The following CNTNAP3 variants were observed in gnomAD, a reference collection of about 807,000 sequenced individuals.
CNTNAP3 encodes the protein contactin associated protein family member 3, also known as contactin-associated protein-like 3.
Under a neutral mutation model 92.1 loss-of-function variants are expected in CNTNAP3, and 36 were observed. That is an observed-to-expected ratio of 0.39 (90% CI 0.30 to 0.52). The LOEUF (loss-of-function observed/expected upper bound fraction) is 0.52, where lower values mean the gene tolerates loss of function less well. Ranked by LOEUF, CNTNAP3 falls within the 20% of genes least tolerant of loss-of-function variation. CNTNAP3 has a pLI of 0.76. For missense variants in CNTNAP3, 534 were observed against 1,069.6 expected, an observed-to-expected ratio of 0.50 and a Z score of 6.98; for synonymous variants, 232 against 422.3, an observed-to-expected ratio of 0.55 and a Z score of 5.53.
At chr9:39,079,742 G>A (rs1391283296) in intron 21 of CNTNAP3, among the ~76,000 whole-genome samples, 1 of 120,156 alleles carries the variant, frequency 8.3e-6, no homozygotes, top group Non-Finnish European at 1.6e-5. Context: ...CCTTTTGTGA[G>A]TTTGAGAGCT....
intron 14 of CNTNAP3, among the ~76,000 whole-genome samples, chr9:39,113,341 A>G (rs528898108): frequency 5.5e-4 from 84 of 152,328 alleles, no homozygotes; most frequent in African/African-American, 1.9e-3. Context: ...TTTTTTCCAT[A>G]AAAGTACTGC....
At chr9:39,146,829 T>G (rs1198329400) in intron 10 of CNTNAP3, among the ~76,000 whole-genome samples, 2 of 152,214 alleles carry the variant, frequency 1.3e-5, no homozygotes, top group Non-Finnish European at 2.9e-5. Flanking sequence ...ATACCCCTTA[T>G]CTGTCCCTAA....
rs1371129290 is a variant in CNTNAP3 at position 39,099,952 on chromosome 9, T to A, written c.2954A>T (p.Asp985Val). 1.2e-6 allele frequency: 2 copies of A among 1,610,456 alleles called. No individual in the cohort carries two copies. Among genetic ancestry groups the A allele is most frequent in the Non-Finnish European group, 1.7e-6 (2 of 1,179,074 alleles). The stretch of plus-strand genomic sequence containing the variant: ...CCCATCATAGGCTGAGAAGGCACAG[T>A]CACAGGTGACCCCCCTGCGTTTCTC... ...CREKRRGVTC[D>V]CAFSAYDGPF... The change falls in exon 18 of 24, where the codon GAC becomes GTC. Residue 985 changes from aspartate to valine, a missense_variant. Asp to Val is a radical substitution (Grantham distance 152). Transcript: ENST00000297668.
intron 14 of CNTNAP3, among the ~76,000 whole-genome samples, chr9:39,111,283 C>T (rs563587492): frequency 1.3e-3 from 196 of 152,160 alleles, no homozygotes; most frequent in African/African-American, 4.4e-3. Flanking sequence ...TTACTTAACT[C>T]GACTTTTGTA....
At chr9:39,119,064 T>C (rs2117967953) in intron 13 of CNTNAP3, among the ~76,000 whole-genome samples, 1 of 152,086 alleles carries the variant, frequency 6.6e-6, no homozygotes, top group Non-Finnish European at 1.5e-5. Flanking sequence ...AAAAAGCAGG[T>C]GTCAGGCCAC....
intron 16 of CNTNAP3, among the ~76,000 whole-genome samples, chr9:39,103,108 C>T (rs1268708947): frequency 1.3e-5 from 2 of 152,190 alleles, no homozygotes; most frequent in African/African-American, 4.8e-5. Flanking sequence ...TTTTGACAGT[C>T]ATAAATTAAG....
chr9:39,090,751 T>C (rs1826176642), intron 18 of CNTNAP3, among the ~76,000 whole-genome samples: 1 of 152,074 alleles, frequency 6.6e-6, no homozygotes, highest in Non-Finnish European at 1.5e-5. Context: ...GGGATATTGA[T>C]TGAAACTGTA....
intron 13 of CNTNAP3, among the ~76,000 whole-genome samples, chr9:39,129,053 GA>G (rs1337946978): frequency 6.6e-6 from 1 of 151,930 alleles, no homozygotes; most frequent in Non-Finnish European, 1.5e-5. Flanking sequence ...TCAAAACAGT[GA>G]AACACCAATT....
chr9:39,147,033 G>A (rs555401674), intron 10 of CNTNAP3, among the ~76,000 whole-genome samples: 2 of 152,256 alleles, frequency 1.3e-5, no homozygotes, highest in South Asian at 2.1e-4. Context: ...TCTCATGATA[G>A]TGAATAAGTC....
At chr9:39,124,640 A>G (rs1244498485) in intron 13 of CNTNAP3, among the ~76,000 whole-genome samples, 2 of 152,136 alleles carry the variant, frequency 1.3e-5, no homozygotes, top group Non-Finnish European at 2.9e-5. Flanking sequence ...TCCAGAATCT[A>G]CACAGAACTT....
At chr9:39,119,363 A>AG in intron 13 of CNTNAP3, among the ~76,000 whole-genome samples, 1 of 151,988 alleles carries the variant, frequency 6.6e-6, no homozygotes, top group Non-Finnish European at 1.5e-5. Flanking sequence ...GCCAAAAAAA[A>AG]AAAAAAAAAG....
intron 13 of CNTNAP3, among the ~76,000 whole-genome samples, chr9:39,123,115 G>A (rs1821073560): frequency 7.9e-6 from 1 of 126,762 alleles, no homozygotes. Context: ...TTTTTTTTGA[G>A]ATGGAGTCTC....
rs562925699 is a variant in CNTNAP3, at chr9:39,119,027, C to G, written c.2081-768G>C. Among the ~76,000 whole-genome samples the G allele has an allele frequency of 7.9e-5, 12 of 152,110 alleles. No individual in the cohort carries two copies. In the East Asian group the frequency reaches 1.7e-3, roughly 22 times the overall value. ...GAAGATTGGGGTGATGGACTGACTG[C>G]ACATCACAGTAAAGTTAGGATAATT... On this transcript the variant is annotated intron_variant, in intron 13 of 23. Coordinates refer to ENST00000297668, the MANE Select transcript of CNTNAP3 (RefSeq NM_033655.5).
chr9:39,104,792 A>T (rs909185193), intron 15 of CNTNAP3, among the ~76,000 whole-genome samples: 8 of 152,262 alleles, frequency 5.3e-5, no homozygotes, highest in African/African-American at 1.7e-4. Context: ...TTTGTCAAAA[A>T]TACCACAGAA....
At chr9:39,116,761 G>A (rs1292444868) in intron 14 of CNTNAP3, among the ~76,000 whole-genome samples, 1 of 152,056 alleles carries the variant, frequency 6.6e-6, no homozygotes, top group Non-Finnish European at 1.5e-5. Context: ...TAAATGTATA[G>A]TATGTATTCT....
rs772405200 is a variant in CNTNAP3 at position 39,100,053 on chromosome 9, C to T, written c.2853G>A (p.Thr951=). The T allele has an allele frequency of 3.6e-5, 57 of 1,580,738 alleles. 1 individual carries two copies. The highest frequency in any genetic ancestry group is 2.7e-4 in the Admixed American group (15 of 54,966). ...CTGCACACCCTGGCTCCACTCCTGG[C>T]GTCACTGTGGCTCTTTCTTCCAGAT... is the stretch of plus-strand genomic sequence containing the variant. ...ALDLEERATV[T]PGVEPGCAGH... is the part of the protein sequence containing the mutation. The change falls in exon 18 of 24, where the codon ACG becomes ACA. Residue 951 remains threonine (T), a synonymous_variant. Coordinates refer to ENST00000297668, the MANE Select transcript of CNTNAP3 (RefSeq NM_033655.5).
intron 13 of CNTNAP3, among the ~76,000 whole-genome samples, chr9:39,121,223 A>G (rs1333767596): frequency 6.6e-6 from 1 of 152,038 alleles, no homozygotes; most frequent in East Asian, 1.9e-4. Context: ...GAAAAAATAC[A>G]CTCTGCAAAA....
chr9:39,144,117 G>A (rs2645565), intron 11 of CNTNAP3, 123 bp downstream of exon 11: 22 of 1,410,996 alleles, frequency 1.6e-5, no homozygotes, highest in Admixed American at 5.8e-5. Flanking sequence ...TAGAAATTGA[G>A]TGCTGAAATA....
intron 14 of CNTNAP3, among the ~76,000 whole-genome samples, chr9:39,110,225 G>A (rs1349063711): frequency 6.6e-5 from 10 of 152,138 alleles, no homozygotes; most frequent in African/African-American, 1.9e-4. Context: ...GTGAGGCCCC[G>A]TCTCTACAAA....
Sources: gnomAD v4.1 joint callset for allele counts (sites outside exome capture counted in the v4.1 genomes callset) on GRCh38, gnomAD v4.1.1 for gene constraint, MANE v1.5 for transcripts, NCBI Gene and HGNC (gene_info 2026-07-23, HGNC 2026-07-21) for gene names.